Variants in JADE1 observed in about 807,000 individuals in gnomAD.
JADE1 encodes jade family PHD finger 1, also known as protein Jade-1.
JADE1 carries 14 observed loss-of-function variants against 81.8 expected under a neutral mutation model. The observed-to-expected ratio is 0.17, with a 90% CI of 0.11 to 0.27. The LOEUF (loss-of-function observed/expected upper bound fraction) is 0.27, where lower values mean the gene tolerates loss of function less well. JADE1 is among the 10% of genes least tolerant of loss of function. JADE1 has a pLI of 1.00. For synonymous variants in JADE1, 353 were observed against 391.9 expected, an observed-to-expected ratio of 0.90 and a Z score of 1.17; for missense variants, 690 against 1,047.9, an observed-to-expected ratio of 0.66 and a Z score of 4.71.
At chr4:128,814,202 G>GAA (rs763130849) in intron 1 of JADE1, among the ~76,000 whole-genome samples, 1 of 152,190 alleles carries the variant, frequency 6.6e-6, no homozygotes, top group Non-Finnish European at 1.5e-5. Context: ...ACTAGAGGGA[G>GAA]AAAACCTATT....
At chr4:128,870,008 G>A (rs765646152) in intron 10 of JADE1, among the ~76,000 whole-genome samples, 72 of 152,114 alleles carry the variant, frequency 4.7e-4, no homozygotes, top group Non-Finnish European at 1.0e-3. Flanking sequence ...TGCTGAGAGT[G>A]TCCTCAGTGG....
At chr4:128,837,264 G>T (rs1729061040) in intron 2 of JADE1, among the ~76,000 whole-genome samples, 1 of 152,230 alleles carries the variant, frequency 6.6e-6, no homozygotes, top group African/African-American at 2.4e-5. Context: ...CAGAAAGGAA[G>T]CCAGCTGAAA....
rs1020572085 is a variant in JADE1 at position 128,846,401 on chromosome 4, C to G, written c.165C>G (p.Ala55=). The change falls in exon 4 of 11, where the codon GCC becomes GCG. Residue 55 remains alanine, a synonymous_variant. Transcript: ENST00000226319. This position sits in a 1 kb window ranked among gnomAD's most constrained non-coding sequence, Gnocchi z 4.0. ...TGTTTAGGACAGACCTGATCACTGC[C>G]ATGAAGTTGCATGACTCCTACCAGC... ...SEVFRTDLIT[A]MKLHDSYQLN... 6 of 1,614,182 alleles carry G rather than the reference C, an allele frequency of 3.7e-6. No individual in the cohort carries two copies. The Admixed American group carries it at 8.3e-5, about 22-fold the overall frequency.
chr4:128,863,202 G>A (rs1579234428), intron 9 of JADE1: 16 of 985,424 alleles, frequency 1.6e-5, no homozygotes, highest in Middle Eastern at 5.2e-4. Flanking sequence ...ATAATGAGGC[G>A]TGGGCTGCCT....
At chr4:128,859,394 C>T (rs189248387) in intron 8 of JADE1, among the ~76,000 whole-genome samples, 1,751 of 151,168 alleles carry the variant, frequency 0.012, 20 homozygotes, top group African/African-American at 0.021. Flanking sequence ...AGTATGCATG[C>T]GTGAGTGCGT....
intron 1 of JADE1, among the ~76,000 whole-genome samples, chr4:128,830,038 C>T (rs58922070): frequency 0.023 from 3,462 of 151,482 alleles, 111 homozygotes; most frequent in African/African-American, 0.075. Flanking sequence ...CCACCACGCA[C>T]GGCTAATTTT....
chr4:128,866,552 T>G (rs1199347398), intron 9 of JADE1, among the ~76,000 whole-genome samples: 2 of 152,264 alleles, frequency 1.3e-5, no homozygotes, highest in Admixed American at 1.3e-4. Flanking sequence ...CAAAATCTTT[T>G]GTGTCTTCAC....
chr4:128,840,429 T>G (rs1431274033), intron 2 of JADE1, among the ~76,000 whole-genome samples: 5 of 152,222 alleles, frequency 3.3e-5, no homozygotes, highest in Non-Finnish European at 7.3e-5. Flanking sequence ...CCTTATCATT[T>G]ATAACCTTTT....
chr4:128,859,547 GTA>G (rs1375982970), intron 8 of JADE1, among the ~76,000 whole-genome samples: 2 of 111,302 alleles, frequency 1.8e-5, no homozygotes, highest in Admixed American at 9.1e-5. Flanking sequence ...ATGCATGCGT[GTA>G]TATGTGTATG....
Position 128,831,767 on chromosome 4 carries a change from A to G in JADE1, c.9A>G (p.Arg3=). 1 of 1,614,178 alleles carries G rather than the reference A, an allele frequency of 6.2e-7. No individual in the cohort carries two copies. ...TGTTTCCCGGGGAGATCATGAAACG[A>G]GGTCGCCTTCCCAGCAGCAGTGAGG... The part of the protein sequence containing the change: MK[R]GRLPSSSEDS... Residue 3 remains arginine (R), a synonymous_variant, in exon 2 of 11, where the codon CGA becomes CGG. Transcript: ENST00000226319.
At chr4:128,831,406 T>C in intron 1 of JADE1, 1 of 310,650 alleles carries the variant, frequency 3.2e-6, no homozygotes, top group Non-Finnish European at 6.1e-6. Flanking sequence ...GCTGTGGATT[T>C]TTTTCTGCAG....
intron 8 of JADE1, among the ~76,000 whole-genome samples, chr4:128,857,921 T>C (rs2162126): frequency 0.76 from 115,084 of 152,004 alleles, 45,088 homozygotes; most frequent in South Asian, 0.91. Context: ...TGTGCGCACA[T>C]CTGTTAGTAA....
At chr4:128,837,826 A>G (rs1729103909) in intron 2 of JADE1, among the ~76,000 whole-genome samples, 1 of 152,238 alleles carries the variant, frequency 6.6e-6, no homozygotes, top group East Asian at 1.9e-4. Flanking sequence ...AGTGACTGAG[A>G]CAGGATGACC....
chr4:128,833,834 C>T (rs114237589), intron 2 of JADE1, among the ~76,000 whole-genome samples: 1,924 of 152,274 alleles, frequency 0.013, 51 homozygotes, highest in African/African-American at 0.044. Flanking sequence ...GGTGTATGCT[C>T]ACTCTGTCTG....
intron 6 of JADE1, among the ~76,000 whole-genome samples, chr4:128,852,874 A>G (rs993322675): frequency 2.0e-5 from 3 of 150,538 alleles, no homozygotes; most frequent in African/African-American, 7.3e-5. Context: ...TGCCTTCATC[A>G]TCATGTGTGT....
At chr4:128,851,696 T>G (rs1481466482) in intron 5 of JADE1, among the ~76,000 whole-genome samples, 3 of 152,172 alleles carry the variant, frequency 2.0e-5, no homozygotes, top group Non-Finnish European at 4.4e-5. Flanking sequence ...AGACACGGTC[T>G]TATGTCACTC....
At chr4:128,815,169 C>CGCCTCCCTGTAAGCTCA (rs1726906376) in intron 1 of JADE1, among the ~76,000 whole-genome samples, 1 of 151,938 alleles carries the variant, frequency 6.6e-6, no homozygotes, top group Non-Finnish European at 1.5e-5. Context: ...CTGTAAGCTC[C>CGCCTCCCTGTAAGCTCA]GCCTCCCTGT....
At chr4:128,816,811 G>GA (rs1180902046) in intron 1 of JADE1, among the ~76,000 whole-genome samples, 2 of 152,060 alleles carry the variant, frequency 1.3e-5, no homozygotes, top group Non-Finnish European at 2.9e-5. Flanking sequence ...AGCAGTTGAA[G>GA]AAAGTTAATT....
At chr4:128,819,123 G>A (rs1727316558) in intron 1 of JADE1, among the ~76,000 whole-genome samples, 2 of 152,220 alleles carry the variant, frequency 1.3e-5, no homozygotes, top group South Asian at 4.1e-4. Context: ...AGACACAGCA[G>A]CTACTTGATT....
Sources: allele counts gnomAD v4.1 joint callset (sites outside exome capture counted in the v4.1 genomes callset), GRCh38; gene constraint gnomAD v4.1.1; non-coding constraint Gnocchi (gnomAD v3.1); transcripts MANE v1.5; gene names NCBI Gene and HGNC (gene_info 2026-07-23, HGNC 2026-07-21).